The following CPPED1 variants were observed in gnomAD, a reference collection of about 807,000 sequenced individuals.
CPPED1 encodes the protein calcineurin like phosphoesterase domain containing 1, also known as serine/threonine-protein phosphatase CPPED1.
In CPPED1, 28 loss-of-function variants were observed where a neutral mutation model predicts 28.0. The observed-to-expected ratio is 1.00, with a 90% CI of 0.74 to 1.37. The LOEUF is 1.37. CPPED1 is among the 40% of genes most tolerant of loss of function. The pLI is 0.00. For missense variants in CPPED1, 504 were observed against 416.5 expected, an observed-to-expected ratio of 1.21 and a Z score of -1.83; for synonymous variants, 198 against 180.2, an observed-to-expected ratio of 1.10 and a Z score of -0.79.
chr16:12,783,222 G>C (rs1364642345), intron 1 of CPPED1, among the ~76,000 whole-genome samples: 1 of 152,192 alleles, frequency 6.6e-6, no homozygotes, highest in African/African-American at 2.4e-5. Context: ...TAGACAGACA[G>C]GGCCAGGCGC....
intron 1 of CPPED1, among the ~76,000 whole-genome samples, chr16:12,790,659 G>C (rs1023485715): frequency 1.3e-5 from 2 of 152,082 alleles, no homozygotes; most frequent in African/African-American, 4.8e-5. Flanking sequence ...GGTGGCTCAC[G>C]CCTGTAATCC....
chr16:12,693,325 C>G (rs1190600145), intron 3 of CPPED1, among the ~76,000 whole-genome samples: 1 of 152,074 alleles, frequency 6.6e-6, no homozygotes, highest in African/African-American at 2.4e-5. Flanking sequence ...CCTCAGCCTC[C>G]CATGTAGCTG....
chr16:12,739,788 G>A (rs1357031685), intron 2 of CPPED1, among the ~76,000 whole-genome samples: 3 of 152,104 alleles, frequency 2.0e-5, no homozygotes, highest in African/African-American at 7.2e-5. Context: ...AAATTGGCTG[G>A]GGGATTCCAG....
At chr16:12,723,109 A>G (rs962221528) in intron 2 of CPPED1, among the ~76,000 whole-genome samples, 2 of 152,184 alleles carry the variant, frequency 1.3e-5, no homozygotes, top group African/African-American at 4.8e-5. Context: ...TAACTTCCGT[A>G]TGTGCGCACA....
At chr16:12,737,168 C>T (rs977787333) in intron 2 of CPPED1, among the ~76,000 whole-genome samples, 64 of 151,484 alleles carry the variant, frequency 4.2e-4, no homozygotes, top group Middle Eastern at 3.4e-3. Flanking sequence ...CCAGTCTGGG[C>T]GAGAGAGTGA....
chr16:12,749,986 A>G (rs1321122528), intron 2 of CPPED1, among the ~76,000 whole-genome samples: 4 of 152,200 alleles, frequency 2.6e-5, no homozygotes, highest in Admixed American at 1.3e-4. Flanking sequence ...GTCACTATCT[A>G]TGGCAGCTAC....
intron 2 of CPPED1, among the ~76,000 whole-genome samples, chr16:12,766,871 G>A (rs538581855): frequency 6.6e-6 from 1 of 152,256 alleles, no homozygotes; most frequent in Non-Finnish European, 1.5e-5. Flanking sequence ...TGATCAGACT[G>A]CCATAGCCGA....
At chr16:12,691,221 G>A (rs1372965013) in intron 3 of CPPED1, among the ~76,000 whole-genome samples, 1 of 152,140 alleles carries the variant, frequency 6.6e-6, no homozygotes, top group Non-Finnish European at 1.5e-5. Flanking sequence ...GAGTCCCTGT[G>A]GTGTACTATT....
chr16:12,769,693 G>C (rs1188848613), intron 2 of CPPED1, among the ~76,000 whole-genome samples: 7 of 152,182 alleles, frequency 4.6e-5, no homozygotes, highest in Non-Finnish European at 1.0e-4. Flanking sequence ...GAGCCAGGGG[G>C]CTTGGCTGAT....
Position 12,742,503 on chromosome 16 carries a change from C to T in CPPED1, c.290-37454G>A, listed in dbSNP as rs149602291. 1.4e-3 allele frequency among the ~76,000 whole-genome samples: 219 copies of T among 152,298 alleles called. 2 individuals carry two copies. The highest frequency in any genetic ancestry group is 3.7e-3 in the South Asian group (18 of 4,832). On this transcript the variant is annotated intron_variant, in intron 2 of 3. Coordinates refer to ENST00000381774, the MANE Select transcript of CPPED1 (RefSeq NM_018340.3). ...ATTGCAAAAACATAAAATCTATCTG[C>T]TCAAAAGAGTTACCGCTGAATGCCT...
chr16:12,666,416 G>C (rs898319197), intron 3 of CPPED1, among the ~76,000 whole-genome samples: 3 of 152,230 alleles, frequency 2.0e-5, no homozygotes, highest in Non-Finnish European at 4.4e-5. Context: ...CTCCCTGCTG[G>C]AAGAAGGGCT....
At chr16:12,766,256 T>TATATAG in intron 2 of CPPED1, among the ~76,000 whole-genome samples, 15 of 134,288 alleles carry the variant, frequency 1.1e-4, no homozygotes, top group Admixed American at 3.5e-4. Flanking sequence ...TATATATATA[T>TATATAG]AGAGAGAGAG....
intron 2 of CPPED1, among the ~76,000 whole-genome samples, chr16:12,763,439 A>G (rs2080421545): frequency 6.6e-6 from 1 of 152,186 alleles, no homozygotes; most frequent in African/African-American, 2.4e-5. Context: ...CAAAAGACCA[A>G]TGAATGGAAA....
In CPPED1 at chr16:12,709,998, A is replaced by AGGAAGGAAG. The variant is rs1438569203; in HGVS notation, c.290-4958_290-4950dup. On this transcript the variant is annotated intron_variant, in intron 2 of 3. Transcript: ENST00000381774. This position sits in a 1 kb window ranked among gnomAD's most constrained non-coding sequence, Gnocchi z 4.4. ...GAAGGAAGGAAGGGAAGAGAAGAGA[A>AGGAAGGAAG]GGAAGGAAGGGAAGGAAGGGAGGGA... Among the ~76,000 whole-genome samples the AGGAAGGAAG allele has an allele frequency of 1.3e-5, 2 of 149,766 alleles. No homozygotes were observed. The highest frequency in any genetic ancestry group is 2.0e-4 in the East Asian group (1 of 4,996).
intron 3 of CPPED1, among the ~76,000 whole-genome samples, chr16:12,691,079 G>A (rs1467783720): frequency 1.3e-5 from 2 of 152,216 alleles, no homozygotes; most frequent in South Asian, 2.1e-4. Context: ...ATGTCGTTGA[G>A]AACACAGGAC....
chr16:12,677,099 G>T (rs1226928931), intron 3 of CPPED1, among the ~76,000 whole-genome samples: 3 of 152,174 alleles, frequency 2.0e-5, no homozygotes, highest in East Asian at 3.8e-4. Flanking sequence ...AAACGTAAAG[G>T]CTCCTGCAGA....
intron 2 of CPPED1, among the ~76,000 whole-genome samples, chr16:12,723,922 T>C (rs1356362220): frequency 6.6e-6 from 1 of 152,136 alleles, no homozygotes; most frequent in Non-Finnish European, 1.5e-5. Flanking sequence ...CTCAGAGATC[T>C]GATCCCTGAC....
chr16:12,665,911 C>T (rs892487334), intron 3 of CPPED1, among the ~76,000 whole-genome samples: 3 of 152,008 alleles, frequency 2.0e-5, no homozygotes, highest in South Asian at 2.1e-4. Flanking sequence ...GGCAACAGAG[C>T]GAGACTCTGT....
At chr16:12,695,369 A>T (rs375340938) in intron 3 of CPPED1, among the ~76,000 whole-genome samples, 2 of 152,048 alleles carry the variant, frequency 1.3e-5, no homozygotes, top group East Asian at 3.8e-4. Context: ...GGCTCAAGCG[A>T]TCCTCCCACC....
Sources: allele counts gnomAD v4.1 joint callset (sites outside exome capture counted in the v4.1 genomes callset), GRCh38; gene constraint gnomAD v4.1.1; non-coding constraint Gnocchi (gnomAD v3.1); transcripts MANE v1.5; gene names NCBI Gene and HGNC (gene_info 2026-07-23, HGNC 2026-07-21).